ST3GAL5: variants seen among roughly 807,000 people sequenced by gnomAD.
The protein encoded by ST3GAL5 is lactosylceramide alpha-2,3-sialyltransferase.
ST3GAL5 carries 25 observed loss-of-function variants against 46.1 expected under a neutral mutation model. That is an observed-to-expected ratio of 0.54 (90% confidence interval 0.40 to 0.76). The LOEUF (loss-of-function observed/expected upper bound fraction) is 0.76, where lower values mean the gene tolerates loss of function less well. Ranked by LOEUF, ST3GAL5 falls within the 30% of genes least tolerant of loss-of-function variation. ST3GAL5 has a pLI of 0.00. For missense variants in ST3GAL5, 431 were observed against 521.2 expected, an observed-to-expected ratio of 0.83 and a Z score of 1.69; for synonymous variants, 182 against 192.7, an observed-to-expected ratio of 0.94 and a Z score of 0.46.
At chr2:85,857,804 C>T (rs906568673) in intron 3 of ST3GAL5, among the ~76,000 whole-genome samples, 1 of 152,062 alleles carries the variant, frequency 6.6e-6, no homozygotes, top group Non-Finnish European at 1.5e-5. Context: ...ACGACTACTC[C>T]GGCCACAGTG....
At chr2:85,873,808 A>C (rs1686212719) in intron 1 of ST3GAL5, among the ~76,000 whole-genome samples, 1 of 152,070 alleles carries the variant, frequency 6.6e-6, no homozygotes, top group South Asian at 2.1e-4. Context: ...AAAAACAACC[A>C]CTGGAAGAGG....
chr2:85,864,214 A>G (rs1209220881), intron 1 of ST3GAL5, among the ~76,000 whole-genome samples: 1 of 152,188 alleles, frequency 6.6e-6, no homozygotes, highest in Non-Finnish European at 1.5e-5. Context: ...GCAGGATGCT[A>G]TCATGGGGGA....
rs1681788176 is a variant in ST3GAL5, at chr2:85,839,780, C to T, written c.*364G>A. 2 of 334,338 alleles carry T rather than the reference C, an allele frequency of 6.0e-6. No homozygotes were observed. The highest frequency in any genetic ancestry group is 5.0e-5 in the South Asian group (2 of 40,320). The allele number at this position is 334,338 out of a possible 1,614,324, so 20.7% of individuals were successfully genotyped here. On this transcript the variant is annotated 3_prime_UTR_variant, in exon 7 of 7. Coordinates refer to ENST00000638572, the MANE Select transcript of ST3GAL5 (RefSeq NM_003896.4). The stretch of plus-strand genomic sequence containing the variant: ...TCAGGGCCACCATCAAAAGAGTGAC[C>T]TCCCCTCTCCTTCCAATTAGTTACC...
Position 85,844,466 on chromosome 2 carries a change from A to T in ST3GAL5, c.938T>A (p.Ile313Asn). The change falls in exon 6 of 7, where the codon ATC becomes AAC. Residue 313 changes from isoleucine to asparagine, a missense_variant. Coordinates refer to ENST00000638572, the MANE Select transcript of ST3GAL5 (RefSeq NM_003896.4). ...PKHFRILNPV[I>N]IKETAFDILQ... ...GATGTCAAAGGCAGTCTCTTTGATG[A>T]TAACTGGATTCAAAATCCTGAAATG... The T allele has an allele frequency of 6.2e-7, 1 of 1,614,250 alleles. No homozygotes were observed.
chr2:85,846,568 T>C lies in ST3GAL5; in HGVS notation c.663-5A>G. On this transcript the variant is annotated splice_polypyrimidine_tract_variant and splice_region_variant and intron_variant, in intron 4 of 6. Transcript: ENST00000638572. ...TCAACTGGTGCACTGTTTAACCTAT[T>C]TAAATAAAAAGGACAAAGACACACT... 6.2e-7 allele frequency: 1 copy of C among 1,613,954 alleles called. No individual in the cohort carries two copies. The highest frequency in any genetic ancestry group is 8.5e-7 in the Non-Finnish European group (1 of 1,179,970).
intron 1 of ST3GAL5, among the ~76,000 whole-genome samples, chr2:85,863,874 A>T (rs1342468845): frequency 1.3e-5 from 2 of 151,978 alleles, no homozygotes; most frequent in African/African-American, 4.8e-5. Flanking sequence ...TGCCAGGCTA[A>T]TTTTTGTATT....
At chr2:85,844,172 A>C (rs1682480709) in intron 6 of ST3GAL5, among the ~76,000 whole-genome samples, 1 of 152,200 alleles carries the variant, frequency 6.6e-6, no homozygotes, top group Non-Finnish European at 1.5e-5. Context: ...TCAAGTGTTA[A>C]TGTGCTGCCT....
chr2:85,868,381 G>A (rs528840002), intron 1 of ST3GAL5, among the ~76,000 whole-genome samples: 4 of 152,018 alleles, frequency 2.6e-5, no homozygotes, highest in East Asian at 1.9e-4. Flanking sequence ...AGCTCACTGC[G>A]GCCTCAACCT....
chr2:85,850,717 T>C (rs1347166624), intron 3 of ST3GAL5: 1 of 152,162 alleles, frequency 6.6e-6, no homozygotes, highest in East Asian at 1.9e-4. Context: ...GAAAGGAACA[T>C]CTGAGAAGTG....
intron 1 of ST3GAL5, chr2:85,866,213 C>G (rs1394156693): frequency 1.3e-5 from 2 of 152,226 alleles, no homozygotes; most frequent in Non-Finnish European, 2.9e-5. Context: ...CTAAATGGAA[C>G]CTGGCATTTT....
At chr2:85,848,622 T>C in intron 3 of ST3GAL5, 1 of 349,594 alleles carries the variant, frequency 2.9e-6, no homozygotes, top group Non-Finnish European at 5.6e-6. Flanking sequence ...AGACAAATAC[T>C]GTATGACCTG....
intron 6 of ST3GAL5, 119 bp downstream of exon 6, chr2:85,844,277 A>G: frequency 7.5e-7 from 1 of 1,329,290 alleles, no homozygotes. Context: ...GGAGCATCTA[A>G]TCACAGGCTG....
chr2:85,876,456 T>C (rs888802210), intron 1 of ST3GAL5, among the ~76,000 whole-genome samples: 1 of 136,230 alleles, frequency 7.3e-6, no homozygotes, highest in African/African-American at 2.6e-5. Flanking sequence ...TTTCTTTTTC[T>C]TTTTCCTTTT....
At chr2:85,850,633 T>G (rs1573606792) in intron 3 of ST3GAL5, 1 of 152,260 alleles carries the variant, frequency 6.6e-6, no homozygotes, top group African/African-American at 2.4e-5. Flanking sequence ...TGGCAATTTT[T>G]AGAGACCTAA....
intron 3 of ST3GAL5, among the ~76,000 whole-genome samples, chr2:85,859,605 CCT>C (rs1468448520): frequency 6.6e-6 from 1 of 152,150 alleles, no homozygotes; most frequent in Non-Finnish European, 1.5e-5. Flanking sequence ...CCAGCAAGAC[CCT>C]GAGACTCAAT....
At chr2:85,872,200 AAAGC>A (rs1368683185) in intron 1 of ST3GAL5, among the ~76,000 whole-genome samples, 2 of 152,200 alleles carry the variant, frequency 1.3e-5, no homozygotes, top group African/African-American at 4.8e-5. Flanking sequence ...AAGACAAACA[AAAGC>A]AAGAGTGGTG....
chr2:85,846,431 T>C lies in ST3GAL5; in HGVS notation c.795A>G (p.Leu265=). 6.2e-7 allele frequency: 1 copy of C among 1,614,206 alleles called. No individual in the cohort carries two copies. The highest frequency in any genetic ancestry group is 1.1e-5 in the South Asian group (1 of 91,082). ...GCCAGTTGAAATCAACACTCTTAAA[T>C]AAAACAGCAACAAATAAGTCATTGG... ...YYSNDLFVAV[L]FKSVDFNWLQ... Residue 265 remains leucine, a synonymous_variant, in exon 5 of 7, where the codon TTA becomes TTG. Coordinates refer to ENST00000638572, the MANE Select transcript of ST3GAL5 (RefSeq NM_003896.4).
chr2:85,875,023 G>C (rs1398577484), intron 1 of ST3GAL5, among the ~76,000 whole-genome samples: 1 of 152,044 alleles, frequency 6.6e-6, no homozygotes, highest in African/African-American at 2.4e-5. Context: ...TAAAATGACT[G>C]TCTCCCCCCC....
chr2:85,878,183 G>T (rs950858346), intron 1 of ST3GAL5, among the ~76,000 whole-genome samples: 1 of 152,178 alleles, frequency 6.6e-6, no homozygotes, highest in African/African-American at 2.4e-5. Flanking sequence ...TGATGACCAG[G>T]TTTAGAAACT....
Sources: allele counts gnomAD v4.1 joint callset (sites outside exome capture counted in the v4.1 genomes callset), GRCh38; gene constraint gnomAD v4.1.1; transcripts MANE v1.5; gene names NCBI Gene and HGNC (gene_info 2026-07-23, HGNC 2026-07-21).